The following FAM120B variants were observed in gnomAD, a reference collection of about 807,000 sequenced individuals.
FAM120B encodes the protein family with sequence similarity 120 member B, also known as constitutive coactivator of peroxisome proliferator-activated receptor gamma.
Under a neutral mutation model 96.3 loss-of-function variants are expected in FAM120B, and 83 were observed. The observed-to-expected ratio is 0.86, with a 90% CI of 0.72 to 1.03. The LOEUF (loss-of-function observed/expected upper bound fraction) is 1.03. Ranked by LOEUF, FAM120B falls within the 50% of genes least tolerant of loss-of-function variation. FAM120B has a pLI of 0.00. For missense variants in FAM120B, 1,027 were observed against 1,121.2 expected (o/e 0.92, Z 1.20); for synonymous variants, 407 against 402.7 (o/e 1.01, Z -0.13).
At chr6:170,291,893 C>G (rs1190326930), upstream of FAM120B, among the ~76,000 whole-genome samples, 3 of 152,216 alleles carry the variant, frequency 2.0e-5, no homozygotes, top group Non-Finnish European at 4.4e-5. Flanking sequence ...CCACCTTCCC[C>G]GGGTCTCGGC....
At chr6:170,349,680 A>T (rs908016719) in intron 5 of FAM120B, among the ~76,000 whole-genome samples, 2 of 152,210 alleles carry the variant, frequency 1.3e-5, no homozygotes, top group African/African-American at 4.8e-5. Flanking sequence ...GATGGCAGGA[A>T]CTATTTAAAA....
chr6:170,307,138 C>T (rs1228556781), intron 1 of FAM120B, among the ~76,000 whole-genome samples: 1 of 152,246 alleles, frequency 6.6e-6, no homozygotes, highest in African/African-American at 2.4e-5. Context: ...CCTGCCCCAT[C>T]TTGAGGTCAC....
intron 6 of FAM120B, among the ~76,000 whole-genome samples, chr6:170,375,169 A>G (rs1789432795): frequency 6.6e-6 from 1 of 152,230 alleles, no homozygotes; most frequent in Admixed American, 6.5e-5. Context: ...AGTAGGTCCA[A>G]TCTGTGGTTG....
chr6:170,371,760 A>G (rs1789207120), intron 6 of FAM120B, among the ~76,000 whole-genome samples: 1 of 152,184 alleles, frequency 6.6e-6, no homozygotes, highest in African/African-American at 2.4e-5. Flanking sequence ...GGCCTTGAAG[A>G]GTGTCTGCCA....
chr6:170,399,477 T>G (rs868550804), intron 9 of FAM120B, among the ~76,000 whole-genome samples: 4 of 146,106 alleles, frequency 2.7e-5, no homozygotes, highest in Non-Finnish European at 4.5e-5. Flanking sequence ...CTCTTAGGAG[T>G]GAGTGAGAAA....
chr6:170,353,598 C>T (rs1283809254), intron 5 of FAM120B, among the ~76,000 whole-genome samples: 4 of 151,332 alleles, frequency 2.6e-5, no homozygotes, highest in East Asian at 1.9e-4. Flanking sequence ...AGCAAAGTCT[C>T]GGGATATAAA....
At chr6:170,403,978 G>A (rs1446599215) in intron 9 of FAM120B, among the ~76,000 whole-genome samples, 1 of 152,350 alleles carries the variant, frequency 6.6e-6, no homozygotes, top group East Asian at 1.9e-4. Flanking sequence ...CCCAGTCACG[G>A]CAAGTGAAGG....
chr6:170,398,235 G>A (rs1194648297), intron 9 of FAM120B, among the ~76,000 whole-genome samples: 1 of 152,268 alleles, frequency 6.6e-6, no homozygotes. Context: ...GTCCTTTCTA[G>A]CTCTGGAATT....
intron 6 of FAM120B, among the ~76,000 whole-genome samples, chr6:170,378,051 G>T (rs1225834491): frequency 1.3e-5 from 2 of 152,166 alleles, no homozygotes; most frequent in Non-Finnish European, 2.9e-5. Context: ...CTTTTTACCA[G>T]CTTAATGTTT....
At chr6:170,307,682 AAG>A (rs1259710344) in intron 1 of FAM120B, among the ~76,000 whole-genome samples, 1 of 152,178 alleles carries the variant, frequency 6.6e-6, no homozygotes, top group Non-Finnish European at 1.5e-5. Flanking sequence ...AAGGAAGCTA[AAG>A]AGAATGTGGG....
intron 3 of FAM120B, among the ~76,000 whole-genome samples, chr6:170,325,616 G>A (rs1018230060): frequency 1.5e-4 from 23 of 151,882 alleles, no homozygotes; most frequent in Admixed American, 3.3e-4. Flanking sequence ...CGAGGCAGGC[G>A]GATCACCTGA....
intron 1 of FAM120B, among the ~76,000 whole-genome samples, chr6:170,296,750 C>T (rs1784020746): frequency 6.6e-6 from 1 of 152,100 alleles, no homozygotes; most frequent in African/African-American, 2.4e-5. Context: ...CTGCAGGAGC[C>T]CGCGCGGGGT....
chr6:170,378,464 TAA>T (rs1789709875), intron 6 of FAM120B, among the ~76,000 whole-genome samples: 2 of 152,158 alleles, frequency 1.3e-5, no homozygotes, highest in African/African-American at 4.8e-5. Flanking sequence ...TGTCCCACAG[TAA>T]AGTTTCTTGT....
chr6:170,373,109 A>G (rs1425888442), intron 6 of FAM120B, among the ~76,000 whole-genome samples: 1 of 152,204 alleles, frequency 6.6e-6, no homozygotes, highest in Non-Finnish European at 1.5e-5. Flanking sequence ...TTACTGTTCA[A>G]TATTTACTGT....
At chr6:170,315,013 T>C (rs1784814596) in intron 1 of FAM120B, among the ~76,000 whole-genome samples, 2 of 152,342 alleles carry the variant, frequency 1.3e-5, no homozygotes, top group South Asian at 2.1e-4. Flanking sequence ...CTGACCACAG[T>C]GGGCGTGCGG....
At chr6:170,291,144 C>T (rs946318945), upstream of FAM120B, 7 of 523,186 alleles carry the variant, frequency 1.3e-5, no homozygotes, top group Non-Finnish European at 2.5e-5. Context: ...TCCTCCCCTG[C>T]CCCCGCCCCC....
chr6:170,340,400 A>G (rs1281792618), intron 4 of FAM120B, among the ~76,000 whole-genome samples: 5 of 152,132 alleles, frequency 3.3e-5, no homozygotes, highest in Non-Finnish European at 7.3e-5. Flanking sequence ...GTAAGTGTTT[A>G]TCAAGGTTCT....
intron 1 of FAM120B, among the ~76,000 whole-genome samples, chr6:170,316,191 G>A (rs1293712858): frequency 1.2e-4 from 18 of 151,638 alleles, no homozygotes; most frequent in Non-Finnish European, 1.8e-4. Context: ...TGTCAGGGTC[G>A]TCCTAAAGAT....
chr6:170,356,705 G>GA (rs1469036156), intron 5 of FAM120B, among the ~76,000 whole-genome samples: 3 of 151,854 alleles, frequency 2.0e-5, no homozygotes, highest in East Asian at 3.9e-4. Context: ...GCATTTGGTT[G>GA]AAAAAAAATC....
Sources: gnomAD v4.1 joint callset for allele counts (sites outside exome capture counted in the v4.1 genomes callset) on GRCh38, gnomAD v4.1.1 for gene constraint, MANE v1.5 for transcripts, NCBI Gene and HGNC (gene_info 2026-07-23, HGNC 2026-07-21) for gene names.